CEP112: variants seen among roughly 807,000 people sequenced by gnomAD.
CEP112 encodes the protein centrosomal protein of 112 kDa.
CEP112 carries 127 observed loss-of-function variants against 153.0 expected under a neutral mutation model. The ratio of observed to expected loss-of-function variants is 0.83; its 90% CI spans 0.72 to 0.96. The LOEUF (loss-of-function observed/expected upper bound fraction) is 0.96. Ranked by LOEUF, CEP112 falls within the 40% of genes least tolerant of loss-of-function variation. CEP112 has a pLI of 0.00. For missense variants in CEP112, 1,089 were observed against 1,101.2 expected (o/e 0.99, Z 0.16); for synonymous variants, 358 against 374.4 (o/e 0.96, Z 0.51).
chr17:66,086,380 CTTTTTTTTTTTTT>C (rs71160531), intron 8 of CEP112, among the ~76,000 whole-genome samples: 1 of 67,028 alleles, frequency 1.5e-5, no homozygotes, highest in African/African-American at 6.4e-5. Flanking sequence ...ATTTTCTTTT[CTTTTTTTTTTTTT>C]TTTTTTTTTT....
intron 8 of CEP112, among the ~76,000 whole-genome samples, chr17:66,080,224 C>T (rs1454320932): frequency 6.6e-6 from 1 of 152,098 alleles, no homozygotes; most frequent in Non-Finnish European, 1.5e-5. Flanking sequence ...GAACAGGCAA[C>T]CTACAGAAGG....
chr17:65,819,027 A>AT (rs1332352553), intron 21 of CEP112, among the ~76,000 whole-genome samples: 1 of 151,852 alleles, frequency 6.6e-6, no homozygotes, highest in Non-Finnish European at 1.5e-5. Context: ...ATCTCTTGTA[A>AT]TTTTTTCTCT....
intron 24 of CEP112, among the ~76,000 whole-genome samples, chr17:65,651,776 C>T (rs1040282351): frequency 6.6e-6 from 1 of 152,090 alleles, no homozygotes; most frequent in African/African-American, 2.4e-5. Flanking sequence ...TCTCAGCTCA[C>T]TACAAACTCC....
chr17:65,889,231 G>A (rs946985306), intron 20 of CEP112, among the ~76,000 whole-genome samples: 19 of 152,090 alleles, frequency 1.2e-4, no homozygotes, highest in Admixed American at 9.8e-4. Context: ...ACTGGATCTC[G>A]TTTTCCACCT....
chr17:65,691,969 T>C (rs1187954289), intron 23 of CEP112, among the ~76,000 whole-genome samples: 4 of 152,212 alleles, frequency 2.6e-5, no homozygotes, highest in African/African-American at 4.8e-5. Context: ...TAGCACAGCA[T>C]ACAAGGGGCT....
chr17:65,887,613 T>C (rs1306781833), intron 20 of CEP112, among the ~76,000 whole-genome samples: 1 of 152,158 alleles, frequency 6.6e-6, no homozygotes, highest in East Asian at 1.9e-4. Flanking sequence ...TGGAAGCAGC[T>C]CAGCAAATGC....
intron 23 of CEP112, among the ~76,000 whole-genome samples, chr17:65,733,146 A>G (rs1360030811): frequency 6.6e-6 from 1 of 152,184 alleles, no homozygotes; most frequent in Non-Finnish European, 1.5e-5. Flanking sequence ...TAATTGACCT[A>G]CATCAATATT....
intron 17 of CEP112, among the ~76,000 whole-genome samples, chr17:65,978,784 T>C (rs1024507346): frequency 1.3e-5 from 2 of 152,236 alleles, no homozygotes; most frequent in Non-Finnish European, 2.9e-5. Context: ...TGTAAAAATA[T>C]GTTCCAAATT....
chr17:65,700,244 G>A (rs576766617), intron 23 of CEP112, among the ~76,000 whole-genome samples: 1 of 152,042 alleles, frequency 6.6e-6, no homozygotes, highest in Non-Finnish European at 1.5e-5. Context: ...TATAATCTGG[G>A]CATATCGCAT....
In CEP112 at chr17:65,964,644, T is replaced by C. The variant is rs1337369301; in HGVS notation, c.1737-3046A>G. Among the ~76,000 whole-genome samples, 3 of 152,120 alleles carry C rather than the reference T, an allele frequency of 2.0e-5. No individual in the cohort carries two copies. The East Asian group carries it at 5.8e-4, about 29-fold the overall frequency. On this transcript the variant is annotated intron_variant, in intron 17 of 26. Coordinates refer to ENST00000535342, the MANE Select transcript of CEP112 (RefSeq NM_001199165.4). ...ATTGACTGGAAGGGGCTGCCTGGAA[T>C]GTACTATTTAAAGGATTCTGAGAGC...
At chr17:66,014,954 C>A (rs895711586) in intron 16 of CEP112, among the ~76,000 whole-genome samples, 1 of 152,200 alleles carries the variant, frequency 6.6e-6, no homozygotes, top group Non-Finnish European at 1.5e-5. Context: ...CCTTGCATCC[C>A]AACAATAAAC....
chr17:66,122,867 G>A (rs901376408), intron 6 of CEP112, among the ~76,000 whole-genome samples: 2 of 152,146 alleles, frequency 1.3e-5, no homozygotes, highest in Non-Finnish European at 2.9e-5. Flanking sequence ...CTAGCCTGTG[G>A]TTTAGCTTAC....
At chr17:65,913,437 C>T (rs2060359375) in intron 19 of CEP112, 1 of 921,428 alleles carries the variant, frequency 1.1e-6, no homozygotes, top group Non-Finnish European at 1.3e-6. Context: ...GAAAATACTA[C>T]AATCTGGTCT....
At chr17:66,095,083 G>A (rs1225531250) in intron 8 of CEP112, among the ~76,000 whole-genome samples, 1 of 152,138 alleles carries the variant, frequency 6.6e-6, no homozygotes, top group Non-Finnish European at 1.5e-5. Flanking sequence ...TAGAAAAACA[G>A]TACGAGGGTT....
intron 10 of CEP112, 122 bp from the exon 11 acceptor site, chr17:66,063,203 T>C: frequency 4.3e-6 from 2 of 462,372 alleles, no homozygotes; most frequent in Non-Finnish European, 7.6e-6. Flanking sequence ...CAATGCTTTC[T>C]TCTAAAATAT....
chr17:65,941,941 C>A (rs2061518299), intron 18 of CEP112, among the ~76,000 whole-genome samples: 1 of 152,022 alleles, frequency 6.6e-6, no homozygotes, highest in Non-Finnish European at 1.5e-5. Flanking sequence ...GTGTGAGCCA[C>A]CACACCTGGC....
At chr17:66,049,556 C>T (rs1237170503) in intron 12 of CEP112, among the ~76,000 whole-genome samples, 5 of 152,130 alleles carry the variant, frequency 3.3e-5, no homozygotes, top group African/African-American at 4.8e-5. Context: ...TTGAGACCAG[C>T]CTGGCCAACA....
At chr17:65,676,536 A>G (rs1012475870) in intron 24 of CEP112, among the ~76,000 whole-genome samples, 2 of 152,192 alleles carry the variant, frequency 1.3e-5, no homozygotes, top group Non-Finnish European at 2.9e-5. Context: ...ACCAAGTCTA[A>G]AATTTATATA....
At chr17:66,130,321 T>C (rs2070078232) in intron 5 of CEP112, among the ~76,000 whole-genome samples, 1 of 152,170 alleles carries the variant, frequency 6.6e-6, no homozygotes, top group Admixed American at 6.5e-5. Flanking sequence ...CTTTAAAGTG[T>C]ATTGTCGGGG....
Sources: allele counts gnomAD v4.1 joint callset (sites outside exome capture counted in the v4.1 genomes callset), GRCh38; gene constraint gnomAD v4.1.1; transcripts MANE v1.5; gene names NCBI Gene and HGNC (gene_info 2026-07-23, HGNC 2026-07-21).